Variants in EBF2 observed in about 807,000 individuals in gnomAD.
EBF2 encodes the protein EBF transcription factor 2, also known as transcription factor COE2.
A neutral mutation model predicts 72.8 loss-of-function variants in EBF2; 21 were observed. That is an observed-to-expected ratio of 0.29 (90% CI 0.20 to 0.42). EBF2 has a LOEUF of 0.42. EBF2 is among the 10% of genes least tolerant of loss of function. The pLI, the probability that EBF2 is intolerant of heterozygous loss-of-function variation, is 1.00. For synonymous variants in EBF2, 299 were observed against 274.2 expected (o/e 1.09, Z -0.89); for missense variants, 637 against 731.2 (o/e 0.87, Z 1.49).
At chr8:26,041,868 G>T (rs954656487) in intron 2 of EBF2, among the ~76,000 whole-genome samples, 1 of 152,176 alleles carries the variant, frequency 6.6e-6, no homozygotes, top group African/African-American at 2.4e-5. Context: ...AGGCCTCCAG[G>T]CTCGGTGCGC....
At chr8:25,981,667 G>A (rs908751605) in intron 6 of EBF2, among the ~76,000 whole-genome samples, 4 of 151,950 alleles carry the variant, frequency 2.6e-5, no homozygotes, top group African/African-American at 4.8e-5. Flanking sequence ...GTGGTAGCAG[G>A]CACCTGTAAT....
chr8:26,033,277 A>T (rs1563214620), intron 5 of EBF2, 124 bp from the exon 6 acceptor site: 1 of 892,750 alleles, frequency 1.1e-6, no homozygotes, highest in Non-Finnish European at 1.8e-6. Context: ...GCTGTAGTAC[A>T]ATGGCTTGAT....
intron 6 of EBF2, among the ~76,000 whole-genome samples, chr8:25,978,588 G>GC (rs1804305173): frequency 6.6e-6 from 1 of 152,198 alleles, no homozygotes; most frequent in Admixed American, 6.5e-5. Context: ...GCCCTCCTGA[G>GC]CCCCACATGA....
At chr8:26,030,688 A>G (rs1463055916) in intron 6 of EBF2, among the ~76,000 whole-genome samples, 1 of 152,210 alleles carries the variant, frequency 6.6e-6, no homozygotes, top group Admixed American at 6.5e-5. Flanking sequence ...GTATGTTTCC[A>G]TGTGTAGACA....
At chr8:25,961,819 C>T (rs1804039906) in intron 6 of EBF2, among the ~76,000 whole-genome samples, 1 of 152,114 alleles carries the variant, frequency 6.6e-6, no homozygotes, top group Non-Finnish European at 1.5e-5. Flanking sequence ...GAAAATGAAC[C>T]AAATAGAGGT....
At chr8:25,881,918 C>A (rs1027765992) in intron 10 of EBF2, among the ~76,000 whole-genome samples, 1 of 152,246 alleles carries the variant, frequency 6.6e-6, no homozygotes, top group South Asian at 2.1e-4. Flanking sequence ...CCGAGAGGCC[C>A]GGGGAAAACC....
At chr8:25,874,853 C>CTTTT (rs1183233269) in intron 10 of EBF2, among the ~76,000 whole-genome samples, 39 of 99,536 alleles carry the variant, frequency 3.9e-4, no homozygotes, top group Non-Finnish European at 5.3e-4. Context: ...GCCTGGCTAA[C>CTTTT]TTTTTTTTTT....
chr8:25,872,316 G>A (rs1278587938), intron 10 of EBF2, among the ~76,000 whole-genome samples: 1 of 152,158 alleles, frequency 6.6e-6, no homozygotes, highest in African/African-American at 2.4e-5. Flanking sequence ...TGATGAGTGA[G>A]GCAAGATCTG....
At chr8:25,869,524 A>G (rs1802394368) in intron 10 of EBF2, among the ~76,000 whole-genome samples, 1 of 151,982 alleles carries the variant, frequency 6.6e-6, no homozygotes, top group Non-Finnish European at 1.5e-5. Context: ...TTATTACCAG[A>G]TTTCCTTTAT....
intron 6 of EBF2, among the ~76,000 whole-genome samples, chr8:26,022,435 T>G (rs1238745571): frequency 6.6e-6 from 1 of 152,224 alleles, no homozygotes; most frequent in Non-Finnish European, 1.5e-5. Context: ...TTGGGGCTTT[T>G]TTGGAGGGGC....
In EBF2 at chr8:26,044,176, C is replaced by G. The variant is rs1012208085; in HGVS notation, c.131+553G>C. Among the ~76,000 whole-genome samples the G allele has an allele frequency of 7.2e-5, 11 of 152,256 alleles. No homozygotes were observed. The highest frequency in any genetic ancestry group is 2.7e-4 in the African/African-American group (11 of 41,478). On this transcript the variant is annotated intron_variant, in intron 1 of 15. Coordinates refer to ENST00000520164, the MANE Select transcript of EBF2 (RefSeq NM_022659.4). The surrounding 1 kb of genome is among the most constrained non-coding windows in gnomAD (Gnocchi z 4.1). ...CTCCAGCCTGTCCCCCCTCCCAGAGCTCCCGGCCGCCTCGTCTTCCCGGGC... is the reference window on the plus strand; with the variant it reads ...CTCCAGCCTGTCCCCCCTCCCAGAGGTCCCGGCCGCCTCGTCTTCCCGGGC...
intron 6 of EBF2, among the ~76,000 whole-genome samples, chr8:25,925,452 C>A (rs1398435004): frequency 6.6e-6 from 1 of 151,968 alleles, no homozygotes; most frequent in Admixed American, 6.5e-5. Context: ...GAACAGAGCA[C>A]CTGAAACCTT....
At chr8:26,002,530 T>A (rs1804746162) in intron 6 of EBF2, among the ~76,000 whole-genome samples, 1 of 150,728 alleles carries the variant, frequency 6.6e-6, no homozygotes, top group African/African-American at 2.4e-5. Flanking sequence ...CTTCTCTGCC[T>A]CCTTTTCCCT....
At position 25,850,625 on chromosome 8, in the gene EBF2, G is replaced by A; in HGVS notation, c.1665C>T (p.Ala555=). ...VIRPQGSPSP[A]CSSGNGNGFR... is the part of the protein sequence containing the mutation. ...ATCCATTTCCATTGCCGCTGGAGCAGGCAGGTGAAGGGGAGCCTTGGGGCC... is the reference window on the plus strand; with the variant it reads ...ATCCATTTCCATTGCCGCTGGAGCAAGCAGGTGAAGGGGAGCCTTGGGGCC... The change falls in exon 15 of 16, where the codon GCC becomes GCT. Residue 555 remains alanine, a synonymous_variant. Transcript: ENST00000520164. 2 of 1,564,210 alleles carry A rather than the reference G, an allele frequency of 1.3e-6. No homozygotes were observed. The highest frequency in any genetic ancestry group is 1.7e-6 in the Non-Finnish European group (2 of 1,163,300).
At chr8:25,930,292 A>G (rs1803458658) in intron 6 of EBF2, among the ~76,000 whole-genome samples, 1 of 152,192 alleles carries the variant, frequency 6.6e-6, no homozygotes, top group African/African-American at 2.4e-5. Context: ...TGTCTCAAGT[A>G]GTGTAGGAAA....
intron 6 of EBF2, among the ~76,000 whole-genome samples, chr8:25,961,934 C>T (rs1804041407): frequency 6.6e-6 from 1 of 152,186 alleles, no homozygotes; most frequent in Non-Finnish European, 1.5e-5. Context: ...CTTCTCCAAA[C>T]TGTCCTTAAA....
chr8:26,035,561 G>C (rs1805487260), intron 5 of EBF2, among the ~76,000 whole-genome samples: 1 of 152,186 alleles, frequency 6.6e-6, no homozygotes, highest in Non-Finnish European at 1.5e-5. Flanking sequence ...CTCTTTCATG[G>C]GTGTGTGGAT....
chr8:26,026,133 C>T (rs1313896658), intron 6 of EBF2, among the ~76,000 whole-genome samples: 1 of 152,128 alleles, frequency 6.6e-6, no homozygotes, highest in Non-Finnish European at 1.5e-5. Flanking sequence ...GCTATGATTG[C>T]ACCACTGCAT....
At chr8:25,880,843 G>A (rs1237501162) in intron 10 of EBF2, among the ~76,000 whole-genome samples, 1 of 151,982 alleles carries the variant, frequency 6.6e-6, no homozygotes, top group Non-Finnish European at 1.5e-5. Flanking sequence ...TCCACCAGCT[G>A]GAAGTATTTT....
Sources: allele counts gnomAD v4.1 joint callset (sites outside exome capture counted in the v4.1 genomes callset), GRCh38; gene constraint gnomAD v4.1.1; non-coding constraint Gnocchi (gnomAD v3.1); transcripts MANE v1.5; gene names NCBI Gene and HGNC (gene_info 2026-07-23, HGNC 2026-07-21).